Variants in MROH1 observed in about 807,000 individuals in gnomAD.
MROH1 encodes maestro heat like repeat family member 1.
MROH1 carries 117 observed loss-of-function variants against 116.5 expected under a neutral mutation model. That is an observed-to-expected ratio of 1.00 (90% CI 0.86 to 1.17). The LOEUF is 1.17. Ranked by LOEUF, MROH1 falls within the 50% of genes most tolerant of loss-of-function variation. The pLI is 0.00. For synonymous variants in MROH1, 921 were observed against 583.9 expected (o/e 1.58, Z -8.32); for missense variants, 1,873 against 1,338.5 (o/e 1.40, Z -6.23).
At chr8:144,254,035 C>T (rs1419434209) in intron 33 of MROH1, among the ~76,000 whole-genome samples, 2 of 152,308 alleles carry the variant, frequency 1.3e-5, no homozygotes, top group African/African-American at 4.8e-5. Context: ...TACTCCTTGA[C>T]AGCCATTGTT....
intron 35 of MROH1, among the ~76,000 whole-genome samples, chr8:144,258,039 A>T (rs1844237947): frequency 6.6e-6 from 1 of 152,166 alleles, no homozygotes; most frequent in South Asian, 2.1e-4. Flanking sequence ...CCAGGAGTGG[A>T]GCAGCCTCAG....
At chr8:144,250,670 G>A (rs978612885) in intron 33 of MROH1, 11 of 472,566 alleles carry the variant, frequency 2.3e-5, no homozygotes, top group Admixed American at 2.0e-4. Flanking sequence ...TGGCTGCTCT[G>A]TTGGCCCCAG....
At chr8:144,187,792 A>AT (rs1827564909) in intron 7 of MROH1, among the ~76,000 whole-genome samples, 1 of 152,070 alleles carries the variant, frequency 6.6e-6, no homozygotes, top group South Asian at 2.1e-4. Context: ...ACAGGTAGAG[A>AT]TTTTTTGTCT....
At chr8:144,158,217 T>C (rs1350794225) in intron 1 of MROH1, among the ~76,000 whole-genome samples, 1 of 151,950 alleles carries the variant, frequency 6.6e-6, no homozygotes, top group East Asian at 1.9e-4. Context: ...GGTCTCGAAC[T>C]CCTGAACTCA....
In MROH1 at chr8:144,163,443, G is replaced by A. The variant is rs1820044574; in HGVS notation, c.-56-328G>A. ...CGTGCTCAGTTCCTCACAGTGTGGA[G>A]GAGGATGCTGTAGGTGGAGGTGCAT... On this transcript the variant is annotated intron_variant, in intron 2 of 43. Coordinates refer to ENST00000326134, the MANE Select transcript of MROH1 (RefSeq NM_032450.3). The surrounding 1 kb of genome is among the most constrained non-coding windows in gnomAD (Gnocchi z 4.4). Among the ~76,000 whole-genome samples, 1 of 152,176 alleles carries A rather than the reference G, an allele frequency of 6.6e-6. No individual in the cohort carries two copies. The highest frequency in any genetic ancestry group is 2.4e-5 in the African/African-American group (1 of 41,446).
chr8:144,195,195 T>G (rs1311274058), intron 10 of MROH1, among the ~76,000 whole-genome samples: 1 of 11,684 alleles, frequency 8.6e-5, no homozygotes, highest in Non-Finnish European at 1.4e-4. Context: ...ACTGTGTCTT[T>G]AAAAAAAAAA....
chr8:144,245,886 C>G (rs1841797492), intron 29 of MROH1, among the ~76,000 whole-genome samples: 1 of 152,122 alleles, frequency 6.6e-6, no homozygotes, highest in African/African-American at 2.4e-5. Flanking sequence ...GTCTTGAACT[C>G]TTGGGCTCAA....
rs894177239 is a variant in MROH1, at chr8:144,241,107, G to A, written c.2051G>A (p.Arg684His). ...ETARYQEEAE[R>H]EGLACCFGIC... The stretch of plus-strand genomic sequence containing the variant: ...GCCAGATACCAGGAGGAGGCAGAAC[G>A]CGAGGTGGGGCCGCTTTCCCTGCAG... Residue 684 changes from arginine to histidine, a missense_variant, in exon 21 of 44, where the codon CGC becomes CAC. Transcript: ENST00000326134. 20 of 760,736 alleles carry A rather than the reference G, an allele frequency of 2.6e-5. No homozygotes were observed. Among genetic ancestry groups the A allele is most frequent in the Non-Finnish European group, 3.9e-5 (16 of 409,342 alleles). 47.1% of individuals were successfully genotyped at this position (760,736 alleles called of 1,614,324 possible).
chr8:144,254,879 G>A lies in MROH1; in HGVS notation c.3495G>A (p.Leu1165=). 2.6e-6 allele frequency: 2 copies of A among 778,212 alleles called. No individual in the cohort carries two copies. Among genetic ancestry groups the A allele is most frequent in the South Asian group, 1.3e-5 (1 of 74,500 alleles). The allele number at this position is 778,212 out of a possible 1,614,324, so 48.2% of individuals were successfully genotyped here. The change falls in exon 34 of 44, where the codon CTG becomes CTA. Residue 1165 remains leucine, a synonymous_variant. Coordinates refer to ENST00000326134, the MANE Select transcript of MROH1 (RefSeq NM_032450.3). ...EPRLAAQVLG[L]LLEKMSRDVP... The stretch of plus-strand genomic sequence containing the variant: ...GCCTAGCTGCCCAGGTCCTGGGGCT[G>A]CTGCTGGAGAAGATGAGTAGGGACG...
chr8:144,231,540 T>C (rs1246409873), intron 14 of MROH1, among the ~76,000 whole-genome samples: 1 of 152,104 alleles, frequency 6.6e-6, no homozygotes, highest in Non-Finnish European at 1.5e-5. Context: ...GGGCGAGAGG[T>C]GGGGAGTGGC....
intron 4 of MROH1, among the ~76,000 whole-genome samples, chr8:144,173,396 TTTTA>T (rs1331022093): frequency 3.6e-4 from 54 of 148,344 alleles, no homozygotes; most frequent in Admixed American, 1.0e-3. Context: ...GATTCTTCTT[TTTTA>T]TTTATTTATT....
intron 12 of MROH1, among the ~76,000 whole-genome samples, chr8:144,216,851 G>A (rs907175885): frequency 2.0e-5 from 3 of 151,980 alleles, no homozygotes; most frequent in South Asian, 2.1e-4. Context: ...CACCACATCC[G>A]GCTAATTTTT....
intron 10 of MROH1, chr8:144,192,646 C>G: frequency 1.5e-6 from 1 of 677,840 alleles, no homozygotes; most frequent in Non-Finnish European, 2.7e-6. Context: ...GAGTGGGTGC[C>G]CAGGCCCAGT....
intron 14 of MROH1, among the ~76,000 whole-genome samples, chr8:144,235,119 C>T (rs963259407): frequency 2.0e-5 from 3 of 152,202 alleles, no homozygotes; most frequent in Non-Finnish European, 4.4e-5. Flanking sequence ...TGGTCTCAAA[C>T]TCCTGAGCTC....
chr8:144,253,145 C>T (rs1427393749), intron 33 of MROH1, among the ~76,000 whole-genome samples: 2 of 151,192 alleles, frequency 1.3e-5, no homozygotes, highest in Non-Finnish European at 2.9e-5. Context: ...CAGAGCAAGA[C>T]TCTGTCTCAA....
At chr8:144,217,025 T>C (rs938026781) in intron 12 of MROH1, among the ~76,000 whole-genome samples, 4 of 152,112 alleles carry the variant, frequency 2.6e-5, no homozygotes, top group Non-Finnish European at 5.9e-5. Context: ...GTGTAAGAAA[T>C]GATTGCTTAT....
intron 14 of MROH1, among the ~76,000 whole-genome samples, chr8:144,224,475 A>G (rs1321996812): frequency 2.0e-5 from 3 of 152,038 alleles, no homozygotes; most frequent in Admixed American, 2.0e-4. Context: ...TATGTTGCCC[A>G]GGTTGCTTTC....
At chr8:144,226,637 G>A (rs932369333) in intron 14 of MROH1, among the ~76,000 whole-genome samples, 6 of 152,076 alleles carry the variant, frequency 3.9e-5, no homozygotes, top group Non-Finnish European at 2.9e-5. Flanking sequence ...ATTTTCAGTA[G>A]AGATGCAGTT....
At chr8:144,254,022 A>G (rs1296121535) in intron 33 of MROH1, among the ~76,000 whole-genome samples, 2 of 151,886 alleles carry the variant, frequency 1.3e-5, no homozygotes, top group Non-Finnish European at 2.9e-5. Flanking sequence ...GAAAACCCCA[A>G]CCTACTCCTT....
Sources: allele counts gnomAD v4.1 joint callset (sites outside exome capture counted in the v4.1 genomes callset), GRCh38; gene constraint gnomAD v4.1.1; non-coding constraint Gnocchi (gnomAD v3.1); transcripts MANE v1.5; gene names NCBI Gene and HGNC (gene_info 2026-07-23, HGNC 2026-07-21).